The following PREX1 variants were observed in gnomAD, a reference collection of about 807,000 sequenced individuals.
PREX1 encodes phosphatidylinositol-3,4,5-trisphosphate dependent Rac exchange factor 1, also known as phosphatidylinositol 3,4,5-trisphosphate-dependent Rac exchanger 1 protein.
A neutral mutation model predicts 198.3 loss-of-function variants in PREX1; 41 were observed. The ratio of observed to expected loss-of-function variants is 0.21; its 90% CI spans 0.16 to 0.27. The LOEUF (loss-of-function observed/expected upper bound fraction) is 0.27. Among genes scored for constraint, PREX1 ranks in the 10% least tolerant of loss-of-function variants. The pLI is 1.00. For missense variants in PREX1, 1,620 were observed against 2,200.7 expected (o/e 0.74, Z 5.28); for synonymous variants, 843 against 887.2 (o/e 0.95, Z 0.89).
chr20:48,662,191 C>T (rs1568810478), intron 15 of PREX1, among the ~76,000 whole-genome samples: 2 of 152,186 alleles, frequency 1.3e-5, no homozygotes, highest in Admixed American at 6.5e-5. Flanking sequence ...TTGCCACTTT[C>T]CCCAGAGCTG....
At chr20:48,695,286 T>C (rs2089839626) in intron 7 of PREX1, among the ~76,000 whole-genome samples, 1 of 152,224 alleles carries the variant, frequency 6.6e-6, no homozygotes, top group Admixed American at 6.5e-5. Context: ...TCCAGCTTCC[T>C]TCACCCAACC....
chr20:48,646,104 T>C lies in PREX1; in HGVS notation c.3306-47A>G, dbSNP rs777859620. On this transcript the variant is annotated intron_variant, in intron 25 of 39. Transcript: ENST00000371941. Reference sequence around the variant, plus strand: ...AGTCAAAGATACAGGCCTGGCCCTTTGTGTCCCTTCCCTGAAAATCCCACC... The same window carrying C: ...AGTCAAAGATACAGGCCTGGCCCTTCGTGTCCCTTCCCTGAAAATCCCACC... 1.9e-6 allele frequency: 3 copies of C among 1,580,316 alleles called. No homozygotes were observed. The South Asian group carries it at 3.3e-5, about 17-fold the overall frequency.
At chr20:48,864,847 T>TGG in the PREX1 span, among the ~76,000 whole-genome samples, 2 of 152,214 alleles carry the variant, frequency 1.3e-5, no homozygotes, top group African/African-American at 4.8e-5. Context: ...GGGAAGGGCT[T>TGG]GGAGCTCATG....
chr20:48,740,672 T>C (rs1282715598), intron 3 of PREX1, among the ~76,000 whole-genome samples: 2 of 152,106 alleles, frequency 1.3e-5, no homozygotes. Context: ...ACTCAACCTA[T>C]CCTCCGTGAG....
the PREX1 span, among the ~76,000 whole-genome samples, chr20:48,880,253 A>G: frequency 6.6e-6 from 1 of 152,242 alleles, no homozygotes; most frequent in Non-Finnish European, 1.5e-5. Flanking sequence ...CTTGAAATCA[A>G]TACATGAGGT....
chr20:48,844,480 G>A, the PREX1 span, among the ~76,000 whole-genome samples: 1 of 152,142 alleles, frequency 6.6e-6, no homozygotes, highest in East Asian at 1.9e-4. Flanking sequence ...ATGAAATTCA[G>A]CCAATCATGA....
At chr20:48,731,725 C>A (rs1477871114) in intron 4 of PREX1, among the ~76,000 whole-genome samples, 1 of 152,248 alleles carries the variant, frequency 6.6e-6, no homozygotes, top group East Asian at 1.9e-4. Flanking sequence ...CTGGGAGACG[C>A]CAGCAAGGAG....
chr20:48,771,828 A>C (rs944387298), intron 1 of PREX1, among the ~76,000 whole-genome samples: 2 of 152,190 alleles, frequency 1.3e-5, no homozygotes. Flanking sequence ...GATGCCACGC[A>C]CTAGCATAGA....
At chr20:48,745,233 C>A in intron 2 of PREX1, 86 bp from the exon 3 acceptor site, 1 of 1,424,418 alleles carries the variant, frequency 7.0e-7, no homozygotes, top group Non-Finnish European at 9.5e-7. Flanking sequence ...AACCTCGGTG[C>A]GGGTGACATT....
At chr20:48,688,611 A>G (rs1292980415) in intron 10 of PREX1, 46 bp downstream of exon 10, 1 of 1,611,102 alleles carries the variant, frequency 6.2e-7, no homozygotes, top group Non-Finnish European at 8.5e-7. Context: ...CCCCACCTCC[A>G]GCTGAGAGCC....
At chr20:48,695,652 C>G (rs1308154328) in intron 7 of PREX1, among the ~76,000 whole-genome samples, 1 of 152,126 alleles carries the variant, frequency 6.6e-6, no homozygotes, top group Non-Finnish European at 1.5e-5. Flanking sequence ...ATTTGTAGTT[C>G]CCTGATGAGT....
intron 35 of PREX1, 26 bp from the exon 36 acceptor site, chr20:48,630,820 C>T (rs373933440): frequency 8.2e-5 from 124 of 1,517,438 alleles, no homozygotes; most frequent in Admixed American, 6.7e-5. Context: ...GGGAATGAGG[C>T]GGGGGCCACC....
intron 14 of PREX1, among the ~76,000 whole-genome samples, chr20:48,672,346 A>G (rs2089681097): frequency 6.6e-6 from 1 of 152,130 alleles, no homozygotes. Flanking sequence ...CCAGAATCTG[A>G]CCATTTCTCC....
chr20:48,734,682 A>C (rs1385389007), intron 3 of PREX1, 32 bp from the exon 4 acceptor site: 2 of 1,597,184 alleles, frequency 1.3e-6, no homozygotes, highest in Non-Finnish European at 1.7e-6. Context: ...TGTGGGAGGC[A>C]GGTCATGGTA....
chr20:48,813,792 G>A (rs967078687), intron 1 of PREX1, among the ~76,000 whole-genome samples: 8 of 152,146 alleles, frequency 5.3e-5, no homozygotes, highest in Non-Finnish European at 1.0e-4. Context: ...TGCCATATGT[G>A]TGTAGAAATG....
chr20:48,810,704 T>C (rs182421878), intron 1 of PREX1, among the ~76,000 whole-genome samples: 27 of 150,208 alleles, frequency 1.8e-4, no homozygotes, highest in Admixed American at 3.3e-4. Flanking sequence ...CTGGCCAACA[T>C]AGCAAAACCC....
rs2089476006 is a variant in PREX1, at chr20:48,649,476, C to T, written c.3129G>A (p.Gln1043=). The change falls in exon 25 of 40, where the codon CAG becomes CAA. Residue 1043 remains glutamine (Q), a synonymous_variant. Coordinates refer to ENST00000371941, the MANE Select transcript of PREX1 (RefSeq NM_020820.4). The part of the protein sequence containing the change: ...LPAAEGDPQG[Q]GLHDGSFGPA... ...GCCCGAAGCTGCCATCATGGAGACC[C>T]TGGCCTTGGGGATCACCCTCTGCAG... The T allele has an allele frequency of 6.2e-7, 1 of 1,614,150 alleles. No individual in the cohort carries two copies.
intron 7 of PREX1, among the ~76,000 whole-genome samples, chr20:48,699,480 C>A (rs1321792168): frequency 6.6e-6 from 1 of 152,144 alleles, no homozygotes; most frequent in Non-Finnish European, 1.5e-5. Context: ...TCAGTTCCCA[C>A]CAGCTACTAC....
chr20:48,786,833 A>G (rs150071675), intron 1 of PREX1, among the ~76,000 whole-genome samples: 3 of 3,814 alleles, frequency 7.9e-4, no homozygotes, highest in East Asian at 2.6e-3. Context: ...GAGAGAGAGA[A>G]AGAAAGAAAA....
Sources: gnomAD v4.1 joint callset for allele counts (sites outside exome capture counted in the v4.1 genomes callset) on GRCh38, gnomAD v4.1.1 for gene constraint, MANE v1.5 for transcripts, NCBI Gene and HGNC (gene_info 2026-07-23, HGNC 2026-07-21) for gene names.